Variants in SYNE2 observed in about 807,000 individuals in gnomAD.
SYNE2 encodes the protein nesprin-2.
SYNE2 carries 431 observed loss-of-function variants against 856.3 expected under a neutral mutation model. That is an observed-to-expected ratio of 0.50 (90% CI 0.47 to 0.55). The LOEUF (loss-of-function observed/expected upper bound fraction) is 0.55, where lower values mean the gene tolerates loss of function less well. Ranked by LOEUF, SYNE2 falls within the 20% of genes least tolerant of loss-of-function variation. SYNE2 has a pLI of 0.00. For synonymous variants in SYNE2, 2,923 were observed against 2,872.3 expected, an observed-to-expected ratio of 1.02 and a Z score of -0.56; for missense variants, 8,129 against 8,023.2, an observed-to-expected ratio of 1.01 and a Z score of -0.50.
chr14:63,975,909 G>A (rs773195829), intron 11 of SYNE2, among the ~76,000 whole-genome samples: 30 of 152,306 alleles, frequency 2.0e-4, no homozygotes, highest in Admixed American at 1.0e-3. Flanking sequence ...TTTTGTCAGC[G>A]CTTGCCGGGG....
chr14:63,994,628 G>A (rs900342104), intron 22 of SYNE2, among the ~76,000 whole-genome samples: 13 of 152,164 alleles, frequency 8.5e-5, no homozygotes, highest in African/African-American at 2.9e-4. Flanking sequence ...CCCTGACAGA[G>A]TGATACATTA....
chr14:64,038,396 G>A (rs1031654128), intron 45 of SYNE2, among the ~76,000 whole-genome samples: 18 of 152,294 alleles, frequency 1.2e-4, no homozygotes, highest in African/African-American at 3.6e-4. Flanking sequence ...CCTCCCAGAC[G>A]ATGGGCGGCC....
At chr14:64,175,568 T>G (rs529983778) in intron 95 of SYNE2, among the ~76,000 whole-genome samples, 18 of 152,320 alleles carry the variant, frequency 1.2e-4, no homozygotes, top group African/African-American at 4.1e-4. Context: ...AAAATCATTA[T>G]TGTTTTGTTA....
At chr14:63,992,864 G>T (rs1400146744) in intron 21 of SYNE2, among the ~76,000 whole-genome samples, 1 of 152,190 alleles carries the variant, frequency 6.6e-6, no homozygotes, top group Non-Finnish European at 1.5e-5. Context: ...TCAGCATTGT[G>T]CCTTACCTGC....
rs149996841 is a variant in SYNE2, at chr14:63,824,361, G to A, written c.-304-28140G>A. ...ATTTTAAAAAATGCATAACTAGGCC[G>A]AGTGCGGTGGCTCACCTCTGTAATA... On this transcript the variant is annotated intron_variant, in intron 1 of 23. Transcript: ENST00000674003. 4.3e-4 allele frequency among the ~76,000 whole-genome samples: 66 copies of A among 152,188 alleles called. No individual in the cohort carries two copies. The East Asian group carries it at 0.012, about 27-fold the overall frequency.
intron 1 of SYNE2, among the ~76,000 whole-genome samples, chr14:63,833,872 AT>A (rs77750988): frequency 0.41 from 61,633 of 151,614 alleles, 14,494 homozygotes; most frequent in South Asian, 0.55. Context: ...GGAAATGCAG[AT>A]TTTTTTTTAA....
chr14:64,064,470 A>C (rs945481292), intron 50 of SYNE2, among the ~76,000 whole-genome samples: 8 of 151,272 alleles, frequency 5.3e-5, no homozygotes, highest in Non-Finnish European at 2.9e-5. Flanking sequence ...GTATTTTTGG[A>C]CCGTTGTTAA....
chr14:64,144,654 A>T (rs985942777), intron 83 of SYNE2, among the ~76,000 whole-genome samples: 1 of 152,364 alleles, frequency 6.6e-6, no homozygotes, highest in East Asian at 1.9e-4. Flanking sequence ...CAAAGCTGTC[A>T]CGTTCATACA....
At chr14:63,839,179 G>C (rs1264735308) in intron 1 of SYNE2, among the ~76,000 whole-genome samples, 1 of 152,030 alleles carries the variant, frequency 6.6e-6, no homozygotes, top group Non-Finnish European at 1.5e-5. Context: ...ACAGTCATGT[G>C]CCACCATGCC....
At chr14:63,942,807 A>G (rs1202710467) in intron 6 of SYNE2, among the ~76,000 whole-genome samples, 2 of 151,422 alleles carry the variant, frequency 1.3e-5, no homozygotes, top group African/African-American at 2.4e-5. Flanking sequence ...ATTTTTGTAT[A>G]TTTTGTAGAG....
chr14:64,018,927 G>C (rs1005912517), intron 34 of SYNE2, among the ~76,000 whole-genome samples: 14 of 152,176 alleles, frequency 9.2e-5, no homozygotes, highest in African/African-American at 3.4e-4. Flanking sequence ...TCAACTCTAG[G>C]AAGAATTCTT....
chr14:63,812,320 C>G (rs893757568), intron 1 of SYNE2, among the ~76,000 whole-genome samples: 5 of 152,200 alleles, frequency 3.3e-5, no homozygotes, highest in East Asian at 3.9e-4. Flanking sequence ...AAATATGGCT[C>G]TATTCTGCCC....
chr14:64,017,328 CAAAAAAAAAAAAAA>C (rs34399201), intron 33 of SYNE2, among the ~76,000 whole-genome samples: 2 of 66,580 alleles, frequency 3.0e-5, no homozygotes, highest in Admixed American at 2.3e-4. Flanking sequence ...GACTCCATCT[CAAAAAAAAAAAAAA>C]AAAAAAAAAA....
At position 64,225,388 on chromosome 14, in the gene SYNE2, G is replaced by A; in HGVS notation, c.20586G>A (p.Gln6862=). The change falls in exon 116 of 116, where the codon CAG becomes CAA. Residue 6862 remains glutamine (Q), a synonymous_variant. Coordinates refer to ENST00000555002, the MANE Select transcript of SYNE2 (RefSeq NM_182914.3). ...TGGTCCGGGCAGCCCTACCCCTGCA[G>A]CTGCTCCTCCTGCTGCTGCTGCTCC... is the stretch of plus-strand genomic sequence containing the variant. ...SRVVRAALPL[Q]LLLLLLLLLA... 1 of 1,614,008 alleles carries A rather than the reference G, an allele frequency of 6.2e-7. No individual in the cohort carries two copies. The highest frequency in any genetic ancestry group is 2.2e-5 in the East Asian group (1 of 44,892).
chr14:63,972,744 A>C (rs760219433), intron 11 of SYNE2, among the ~76,000 whole-genome samples: 91 of 152,198 alleles, frequency 6.0e-4, no homozygotes, highest in Non-Finnish European at 1.0e-3. Flanking sequence ...CTGCTGTATA[A>C]ATATTGAGTG....
At chr14:63,845,948 T>C (rs1018859219) in intron 1 of SYNE2, among the ~76,000 whole-genome samples, 2 of 152,002 alleles carry the variant, frequency 1.3e-5, no homozygotes, top group Non-Finnish European at 2.9e-5. Context: ...TTCACCATGT[T>C]GGCCAGGCTG....
chr14:63,789,000 G>GTA (rs2139761047), intron 1 of SYNE2, among the ~76,000 whole-genome samples: 1 of 152,264 alleles, frequency 6.6e-6, no homozygotes, highest in East Asian at 1.9e-4. Context: ...AAAATGTGGT[G>GTA]TATATATACA....
rs376162863 is a variant in SYNE2 at position 64,143,838 on chromosome 14, C to G, written c.15373C>G (p.Leu5125Val). 4 of 1,614,204 alleles carry G rather than the reference C, an allele frequency of 2.5e-6. No individual in the cohort carries two copies. The highest frequency in any genetic ancestry group is 2.5e-6 in the Non-Finnish European group (3 of 1,180,034). ...VDFVNQSLLQ[L>V]STCDVESKRY... is the part of the protein sequence containing the mutation. The stretch of plus-strand genomic sequence containing the variant: ...CTTCGTTAACCAGTCATTACTTCAG[C>G]TAAGCACCTGTGATGTAGAAAGCAA... Residue 5125 changes from leucine to valine, a missense_variant, in exon 83 of 116, where the codon CTA (leucine) becomes GTA (valine). Coordinates refer to ENST00000555002, the MANE Select transcript of SYNE2 (RefSeq NM_182914.3).
intron 49 of SYNE2, among the ~76,000 whole-genome samples, chr14:64,059,596 G>A (rs566501629): frequency 6.6e-6 from 1 of 152,364 alleles, no homozygotes; most frequent in Admixed American, 6.5e-5. Context: ...AACCACTACA[G>A]AGAGTGTACT....
Sources: gnomAD v4.1 joint callset for allele counts (sites outside exome capture counted in the v4.1 genomes callset) on GRCh38, gnomAD v4.1.1 for gene constraint, MANE v1.5 for transcripts, NCBI Gene and HGNC (gene_info 2026-07-23, HGNC 2026-07-21) for gene names.